The following PLCXD2 variants were observed in gnomAD, a reference collection of about 807,000 sequenced individuals.
PLCXD2 encodes PI-PLC X domain-containing protein 2.
PLCXD2 carries 21 observed loss-of-function variants against 28.6 expected under a neutral mutation model. The ratio of observed to expected loss-of-function variants is 0.73; its 90% CI spans 0.52 to 1.06. The LOEUF is 1.06. Among genes scored for constraint, PLCXD2 ranks in the 50% least tolerant of loss-of-function variants. The pLI is 0.00. For missense variants in PLCXD2, 369 were observed against 376.7 expected (o/e 0.98, Z 0.17); for synonymous variants, 140 against 150.1 (o/e 0.93, Z 0.49).
intron 3 of PLCXD2, among the ~76,000 whole-genome samples, chr3:111,718,106 G>A (rs1452434079): frequency 6.6e-6 from 1 of 151,714 alleles, no homozygotes; most frequent in Admixed American, 6.6e-5. Flanking sequence ...CACTCTTCAG[G>A]AGTCCCCGTT....
Position 111,692,132 on chromosome 3 carries a change from C to T in PLCXD2, c.164-15794C>T, listed in dbSNP as rs377082192. Among the ~76,000 whole-genome samples the T allele has an allele frequency of 6.1e-4, 93 of 152,284 alleles. 2 individuals carry two copies. In the East Asian group the frequency reaches 0.015, roughly 25 times the overall value. ...TCTCGGCTCACTGCAAGCTCCGCCTCCCGGGTTCATGCCGTTCTCCAGCTT... is the reference window on the plus strand; with the variant it reads ...TCTCGGCTCACTGCAAGCTCCGCCTTCCGGGTTCATGCCGTTCTCCAGCTT... On this transcript the variant is annotated intron_variant, in intron 1 of 4. Coordinates refer to ENST00000477665, the MANE Select transcript of PLCXD2 (RefSeq NM_001185106.1).
intron 2 of PLCXD2, among the ~76,000 whole-genome samples, chr3:111,709,920 T>C (rs1037543476): frequency 3.9e-5 from 6 of 152,150 alleles, no homozygotes; most frequent in Admixed American, 3.9e-4. Flanking sequence ...CCGGTTGCAA[T>C]ACTAGGAAGA....
At chr3:111,677,606 C>G (rs1231503307) in intron 1 of PLCXD2, among the ~76,000 whole-genome samples, 1 of 152,094 alleles carries the variant, frequency 6.6e-6, no homozygotes, top group Non-Finnish European at 1.5e-5. Flanking sequence ...AATTATTGTT[C>G]AAAGAGGTTA....
intron 1 of PLCXD2, among the ~76,000 whole-genome samples, chr3:111,688,832 A>C (rs1940833631): frequency 6.6e-6 from 1 of 151,756 alleles, no homozygotes; most frequent in Admixed American, 6.6e-5. Context: ...TTAACTTTAA[A>C]AAAAGAATTA....
chr3:111,698,862 C>A (rs558974121), intron 1 of PLCXD2, among the ~76,000 whole-genome samples: 3 of 152,054 alleles, frequency 2.0e-5, no homozygotes, highest in Non-Finnish European at 2.9e-5. Flanking sequence ...TTCCTTATTT[C>A]CCCCCCTCCT....
At chr3:111,678,435 T>C in intron 1 of PLCXD2, among the ~76,000 whole-genome samples, 1 of 152,254 alleles carries the variant, frequency 6.6e-6, no homozygotes, top group East Asian at 1.9e-4. Flanking sequence ...AAAAGCGTGA[T>C]ATTCTCTATG....
chr3:111,685,836 G>T (rs896813684), intron 1 of PLCXD2, among the ~76,000 whole-genome samples: 4 of 152,186 alleles, frequency 2.6e-5, no homozygotes, highest in South Asian at 2.1e-4. Context: ...AGGGATTGGG[G>T]TCTATTGGAC....
chr3:111,704,533 A>T (rs1466753225), intron 1 of PLCXD2, among the ~76,000 whole-genome samples: 4 of 152,210 alleles, frequency 2.6e-5, no homozygotes, highest in Non-Finnish European at 4.4e-5. Context: ...AGGGGGATTC[A>T]TGCTTTCTTC....
chr3:111,709,477 C>G (rs559385516), intron 2 of PLCXD2, among the ~76,000 whole-genome samples: 1 of 151,774 alleles, frequency 6.6e-6, no homozygotes, highest in East Asian at 1.9e-4. Flanking sequence ...TACACACACA[C>G]ACACACGCAC....
intron 1 of PLCXD2, among the ~76,000 whole-genome samples, chr3:111,688,837 G>T (rs1940833743): frequency 6.6e-6 from 1 of 151,272 alleles, no homozygotes; most frequent in African/African-American, 2.4e-5. Flanking sequence ...TTTAAAAAAA[G>T]AATTAAATAA....
intron 1 of PLCXD2, among the ~76,000 whole-genome samples, chr3:111,687,381 C>T (rs182641883): frequency 6.6e-6 from 1 of 152,232 alleles, no homozygotes; most frequent in Admixed American, 6.5e-5. Flanking sequence ...ATAAGATTGT[C>T]CCCAAGGACT....
At chr3:111,688,296 A>C (rs1265710601) in intron 1 of PLCXD2, among the ~76,000 whole-genome samples, 1 of 152,218 alleles carries the variant, frequency 6.6e-6, no homozygotes, top group African/African-American at 2.4e-5. Flanking sequence ...AACTCATTGA[A>C]AGTTGTTATA....
chr3:111,701,760 G>A (rs1376371428), intron 1 of PLCXD2, among the ~76,000 whole-genome samples: 1 of 152,174 alleles, frequency 6.6e-6, no homozygotes, highest in African/African-American at 2.4e-5. Flanking sequence ...CAGGTTTGAT[G>A]TATGTTACAA....
At position 111,713,956 on chromosome 3, in the gene PLCXD2, G is replaced by A. The variant is rs1306315567; in HGVS notation, c.694G>A (p.Ala232Thr). 3 of 1,614,122 alleles carry A rather than the reference G, an allele frequency of 1.9e-6. No homozygotes were observed. Among genetic ancestry groups the A allele is most frequent in the Non-Finnish European group, 1.7e-6 (2 of 1,180,040 alleles). Residue 232 changes from alanine to threonine, a missense_variant, in exon 3 of 5, where the codon GCG (alanine) becomes ACG (threonine). Coordinates refer to ENST00000477665, the MANE Select transcript of PLCXD2 (RefSeq NM_001185106.1). The stretch of plus-strand genomic sequence containing the variant: ...CCTGTGGCCAGGAAAGAAGATTCCA[G>A]CGCCCTGGGCAAACACCACAAGTGT...
chr3:111,681,040 C>A (rs541592509), intron 1 of PLCXD2, among the ~76,000 whole-genome samples: 1 of 151,928 alleles, frequency 6.6e-6, no homozygotes, highest in Non-Finnish European at 1.5e-5. Context: ...CAGTTTATAC[C>A]CTCAGGTAAT....
intron 1 of PLCXD2, among the ~76,000 whole-genome samples, chr3:111,691,666 A>C (rs1037103069): frequency 2.0e-5 from 3 of 152,240 alleles, no homozygotes; most frequent in Non-Finnish European, 2.9e-5. Context: ...TGACTTGTTT[A>C]ATCAATAAGG....
chr3:111,688,694 G>A (rs1196159319), intron 1 of PLCXD2, among the ~76,000 whole-genome samples: 1 of 152,170 alleles, frequency 6.6e-6, no homozygotes, highest in Non-Finnish European at 1.5e-5. Context: ...AAGGGCTTAA[G>A]CAATTGCCTC....
intron 3 of PLCXD2, chr3:111,721,896 T>C (rs1376743821): frequency 6.6e-6 from 1 of 152,194 alleles, no homozygotes; most frequent in Admixed American, 6.5e-5. Context: ...GCAGGATGCA[T>C]GGGAAACTGC....
Position 111,675,365 on chromosome 3 carries a change from C to T in PLCXD2, c.120C>T (p.Pro40=). 6.2e-7 allele frequency: 1 copy of T among 1,614,168 alleles called. No homozygotes were observed. Among genetic ancestry groups the T allele is most frequent in the Non-Finnish European group, 8.5e-7 (1 of 1,180,026 alleles). The change falls in exon 1 of 5, where the codon CCC becomes CCT. Residue 40 remains proline, a synonymous_variant. Transcript: ENST00000477665. Reference sequence around the variant, plus strand: ...ATGCCGACTGGATGGCCTCGCTCCCCCCTCACCTCCACAACCTCCCCCTTT... The same window carrying T: ...ATGCCGACTGGATGGCCTCGCTCCCTCCTCACCTCCACAACCTCCCCCTTT...
Sources: allele counts gnomAD v4.1 joint callset (sites outside exome capture counted in the v4.1 genomes callset), GRCh38; gene constraint gnomAD v4.1.1; transcripts MANE v1.5; gene names NCBI Gene and HGNC (gene_info 2026-07-23, HGNC 2026-07-21).